The following CAPN14 variants were observed in gnomAD, a reference collection of about 807,000 sequenced individuals.
CAPN14 encodes the protein calpain 14, also known as calpain-14.
In CAPN14, 94 loss-of-function variants were observed where a neutral mutation model predicts 101.3. The observed-to-expected ratio is 0.93, with a 90% CI of 0.79 to 1.10. The LOEUF (loss-of-function observed/expected upper bound fraction) is 1.10. Among genes scored for constraint, CAPN14 ranks in the 50% least tolerant of loss-of-function variants. The probability of loss-of-function intolerance (pLI) is 0.00; values close to 1 mark genes in which losing one functional copy is unlikely to be tolerated. For synonymous variants in CAPN14, 338 were observed against 317.9 expected (o/e 1.06, Z -0.67); for missense variants, 837 against 828.4 (o/e 1.01, Z -0.13).
chr2:31,221,051 C>T (rs372089709), upstream of CAPN14, among the ~76,000 whole-genome samples: 4 of 152,066 alleles, frequency 2.6e-5, no homozygotes, highest in South Asian at 4.2e-4. Flanking sequence ...GAAAAGTCAT[C>T]GCCAAGGTTT....
At chr2:31,178,929 C>T (rs7564370) in intron 17 of CAPN14, among the ~76,000 whole-genome samples, 50,606 of 151,606 alleles carry the variant, frequency 0.33, 10,035 homozygotes, top group African/African-American at 0.55. Context: ...GTAGTATTAA[C>T]AGATGGTGAT....
chr2:31,222,188 T>C (rs966051352), upstream of CAPN14, among the ~76,000 whole-genome samples: 2 of 152,224 alleles, frequency 1.3e-5, no homozygotes, highest in African/African-American at 4.8e-5. Context: ...GAAAGGTTTA[T>C]CTGTGCCTTT....
intron 21 of CAPN14, 150 bp downstream of exon 21, chr2:31,176,437 T>C: frequency 1.6e-6 from 1 of 640,968 alleles, no homozygotes; most frequent in South Asian, 1.9e-5. Flanking sequence ...AATGAATGAA[T>C]GAATGAATGA....
chr2:31,175,420 C>T (rs1471238967), intron 21 of CAPN14, among the ~76,000 whole-genome samples: 1 of 152,242 alleles, frequency 6.6e-6, no homozygotes, highest in Non-Finnish European at 1.5e-5. Flanking sequence ...GGCTTCAACC[C>T]AGTTCTCAGA....
chr2:31,177,624 G>A (rs749375175), intron 19 of CAPN14, 122 bp downstream of exon 19: 6 of 713,656 alleles, frequency 8.4e-6, no homozygotes, highest in South Asian at 1.7e-5. Context: ...GCAGATCTAC[G>A]TCTTTGAGAG....
chr2:31,174,342 A>G lies in CAPN14; in HGVS notation c.*339T>C. ...TAAAGTCACTTGAGTTTGCAGCCAC[A>G]GAGGCAGTGTTGTATGGAGGCTAAC... is the stretch of plus-strand genomic sequence containing the variant. On this transcript the variant is annotated 3_prime_UTR_variant, in exon 22 of 22. Coordinates refer to ENST00000403897, the MANE Select transcript of CAPN14 (RefSeq NM_001145122.2). 1 of 420,070 alleles carries G rather than the reference A, an allele frequency of 2.4e-6. No individual in the cohort carries two copies. The highest frequency in any genetic ancestry group is 4.5e-5 in the East Asian group (1 of 22,114). 26.0% of individuals were successfully genotyped at this position (420,070 alleles called of 1,614,324 possible). A position where few individuals can be genotyped will look rare whatever the true frequency, so the allele number is the denominator to read the frequency against.
At chr2:31,194,188 G>A (rs1359405328) in intron 9 of CAPN14, among the ~76,000 whole-genome samples, 3 of 152,192 alleles carry the variant, frequency 2.0e-5, no homozygotes, top group Non-Finnish European at 4.4e-5. Context: ...CTGAGCCCTC[G>A]CTGAGCTCCA....
At chr2:31,221,300 T>C (rs184371539), upstream of CAPN14, among the ~76,000 whole-genome samples, 12 of 152,328 alleles carry the variant, frequency 7.9e-5, no homozygotes, top group East Asian at 2.3e-3. Flanking sequence ...CTGCTCTGTC[T>C]GGGGAGGGCT....
chr2:31,214,043 A>G (rs1682526120), intron 1 of CAPN14, among the ~76,000 whole-genome samples: 2 of 152,220 alleles, frequency 1.3e-5, no homozygotes, highest in African/African-American at 4.8e-5. Context: ...TCAGTAAACA[A>G]TGATGAATGT....
intron 12 of CAPN14, among the ~76,000 whole-genome samples, chr2:31,190,518 C>G (rs1488238304): frequency 6.6e-6 from 1 of 152,116 alleles, no homozygotes; most frequent in African/African-American, 2.4e-5. Flanking sequence ...CTGGTAGAAG[C>G]AACTGCCTAC....
At chr2:31,194,381 C>T in intron 9 of CAPN14, 28 bp downstream of exon 9, 2 of 1,525,716 alleles carry the variant, frequency 1.3e-6, no homozygotes, top group Non-Finnish European at 1.8e-6. Context: ...TAGGCCAGGA[C>T]ATTTGTCCAA....
intron 2 of CAPN14, 136 bp from the exon 3 acceptor site, chr2:31,203,275 T>A (rs768110117): frequency 3.1e-6 from 2 of 643,698 alleles, no homozygotes; most frequent in Non-Finnish European, 5.5e-6. Flanking sequence ...ATCAGTGCTA[T>A]CCCAGAAGAT....
At chr2:31,181,961 T>C (rs1680664098) in intron 16 of CAPN14, among the ~76,000 whole-genome samples, 2 of 151,942 alleles carry the variant, frequency 1.3e-5, no homozygotes, top group Non-Finnish European at 2.9e-5. Flanking sequence ...TTTGCTATTG[T>C]GAATAGTGCC....
chr2:31,197,780 G>A (rs1021732473), intron 7 of CAPN14, among the ~76,000 whole-genome samples: 5 of 152,172 alleles, frequency 3.3e-5, no homozygotes, highest in African/African-American at 4.8e-5. Context: ...AGAAGGCCAC[G>A]TGAAGATGGA....
upstream of CAPN14, among the ~76,000 whole-genome samples, chr2:31,218,745 G>A (rs558394432): frequency 4.9e-4 from 74 of 152,292 alleles, no homozygotes; most frequent in African/African-American, 1.7e-3. Context: ...CAGCAGAGAT[G>A]GGGCTAAAGT....
chr2:31,191,376 A>T (rs1465839797), intron 12 of CAPN14, 23 bp downstream of exon 12: 1 of 1,542,914 alleles, frequency 6.5e-7, no homozygotes, highest in Non-Finnish European at 8.7e-7. Flanking sequence ...AACTAGGGCC[A>T]CCCGGTCAAG....
At position 31,194,397 on chromosome 2, in the gene CAPN14, T is replaced by C. The variant is rs1480324950; in HGVS notation, c.950+12A>G. On this transcript the variant is annotated intron_variant, in intron 9 of 21. Transcript: ENST00000403897. The stretch of plus-strand genomic sequence containing the variant: ...AGGCCAGGACATTTGTCCAAGTCCC[T>C]AAGTCCAATACCAGAATTCTCCGTC... The C allele has an allele frequency of 1.9e-6, 3 of 1,547,914 alleles. No homozygotes were observed. The highest frequency in any genetic ancestry group is 2.6e-6 in the Non-Finnish European group (3 of 1,143,750).
At chr2:31,180,208 A>G (rs1680518130) in intron 17 of CAPN14, among the ~76,000 whole-genome samples, 1 of 152,110 alleles carries the variant, frequency 6.6e-6, no homozygotes, top group African/African-American at 2.4e-5. Flanking sequence ...TGATGAAATG[A>G]GCGCTTGGAG....
At chr2:31,223,546 T>TC (rs1331724804) in intron 2 of CAPN14, among the ~76,000 whole-genome samples, 9 of 144,760 alleles carry the variant, frequency 6.2e-5, no homozygotes, top group African/African-American at 1.0e-4. Flanking sequence ...TCTTTTCTTT[T>TC]TTTTTTTTTT....
Sources: gnomAD v4.1 joint callset for allele counts (sites outside exome capture counted in the v4.1 genomes callset) on GRCh38, gnomAD v4.1.1 for gene constraint, MANE v1.5 for transcripts, NCBI Gene and HGNC (gene_info 2026-07-23, HGNC 2026-07-21) for gene names.